The following ECHDC1 variants were observed in gnomAD, a reference collection of about 807,000 sequenced individuals.
ECHDC1 encodes ethylmalonyl-CoA decarboxylase 1, also known as ethylmalonyl-CoA decarboxylase.
Under a neutral mutation model 29.7 loss-of-function variants are expected in ECHDC1, and 29 were observed. The observed-to-expected ratio is 0.98, with a 90% CI of 0.73 to 1.33. ECHDC1 has a LOEUF of 1.33. ECHDC1 is among the 40% of genes most tolerant of loss of function. The pLI is 0.00. For missense variants in ECHDC1, 328 were observed against 350.0 expected (o/e 0.94, Z 0.50); for synonymous variants, 126 against 123.1 (o/e 1.02, Z -0.15).
At chr6:127,327,794 C>T (rs1016892408) in intron 2 of ECHDC1, among the ~76,000 whole-genome samples, 1 of 152,174 alleles carries the variant, frequency 6.6e-6, no homozygotes, top group Non-Finnish European at 1.5e-5. Context: ...GATATTACTC[C>T]AAAATTCTAT....
intron 1 of ECHDC1, among the ~76,000 whole-genome samples, chr6:127,335,600 G>A (rs374743560): frequency 2.0e-5 from 3 of 151,854 alleles, no homozygotes; most frequent in East Asian, 3.9e-4. Context: ...ATCTGTTATC[G>A]TCTTTCTTTG....
chr6:127,316,412 C>T, intron 4 of ECHDC1, 38 bp downstream of exon 4: 6 of 1,554,566 alleles, frequency 3.9e-6, no homozygotes, highest in Non-Finnish European at 5.2e-6. Flanking sequence ...TATTTTTGGT[C>T]TTTTAGAAAT....
Position 127,329,063 on chromosome 6 carries a change from TA to T in ECHDC1, c.220+1745del, listed in dbSNP as rs1185318316. 3.3e-5 allele frequency among the ~76,000 whole-genome samples: 5 copies of T among 151,226 alleles called. No homozygotes were observed. The East Asian group carries it at 9.7e-4, about 29-fold the overall frequency. On this transcript the variant is annotated intron_variant, in intron 2 of 5. Coordinates refer to ENST00000454859, the MANE Select transcript of ECHDC1 (RefSeq NM_001002030.2). ...AATAAATAAAATAAAAATAAATAAA[TA>T]AAAAAAACAATGTTGGCCTTTGTTT...
At chr6:127,304,485 C>G (rs1781295245) in intron 5 of ECHDC1, among the ~76,000 whole-genome samples, 1 of 152,134 alleles carries the variant, frequency 6.6e-6, no homozygotes, top group Non-Finnish European at 1.5e-5. Context: ...CTTCAATGCC[C>G]AGATACCAAA....
At position 127,333,788 on chromosome 6, in the gene ECHDC1, T is replaced by C. The variant is rs118149332; in HGVS notation, c.-2-2758A>G. ...AGAATATACTGTCAGTTTTTTAAAATAGCTGTACAAATGTATATTCCCACA... is the reference window on the plus strand; with the variant it reads ...AGAATATACTGTCAGTTTTTTAAAACAGCTGTACAAATGTATATTCCCACA... On this transcript the variant is annotated intron_variant, in intron 1 of 5. Coordinates refer to ENST00000454859, the MANE Select transcript of ECHDC1 (RefSeq NM_001002030.2). Among the ~76,000 whole-genome samples the C allele has an allele frequency of 5.1e-4, 78 of 152,180 alleles. No individual in the cohort carries two copies. The East Asian group carries it at 0.013, about 25-fold the overall frequency.
intron 3 of ECHDC1, chr6:127,326,464 A>G (rs749335085): frequency 2.3e-6 from 1 of 431,288 alleles, no homozygotes. Flanking sequence ...AGACTATCAC[A>G]TCGGTTCATT....
intron 5 of ECHDC1, among the ~76,000 whole-genome samples, chr6:127,296,862 A>G (rs1047695578): frequency 2.0e-5 from 3 of 151,932 alleles, no homozygotes; most frequent in Admixed American, 2.0e-4. Context: ...CAAATTAGCC[A>G]AGTGTGGTGG....
intron 1 of ECHDC1, among the ~76,000 whole-genome samples, chr6:127,342,068 T>C (rs1054877349): frequency 2.6e-5 from 4 of 152,266 alleles, no homozygotes; most frequent in African/African-American, 9.6e-5. Flanking sequence ...ATATGCGATC[T>C]ACCTGTTACA....
At chr6:127,314,976 A>G in intron 4 of ECHDC1, 80 bp from the exon 5 acceptor site, 1 of 1,362,892 alleles carries the variant, frequency 7.3e-7, no homozygotes, top group Non-Finnish European at 1.0e-6. Flanking sequence ...AAAAAATCTT[A>G]AAATGCAGTG....
intron 5 of ECHDC1, among the ~76,000 whole-genome samples, chr6:127,295,919 CACAGAAG>C (rs1253092743): frequency 6.6e-6 from 1 of 152,146 alleles, no homozygotes; most frequent in Admixed American, 6.5e-5. Context: ...ATCACTGGAA[CACAGAAG>C]GCAGAAGGCT....
chr6:127,312,610 G>A (rs114222991), intron 5 of ECHDC1, among the ~76,000 whole-genome samples: 2,434 of 152,140 alleles, frequency 0.016, 43 homozygotes, highest in Middle Eastern at 0.054. Flanking sequence ...GACAACATAT[G>A]CCCACACAAA....
intron 1 of ECHDC1, chr6:127,342,303 T>C: frequency 6.6e-7 from 1 of 1,517,938 alleles, no homozygotes; most frequent in Non-Finnish European, 8.9e-7. Flanking sequence ...GGCTTAAGAA[T>C]CTGGCCACAA....
intron 5 of ECHDC1, among the ~76,000 whole-genome samples, chr6:127,312,066 A>T (rs1781989213): frequency 6.6e-6 from 1 of 152,122 alleles, no homozygotes; most frequent in South Asian, 2.1e-4. Context: ...GATAAAAAAA[A>T]AACTCACAGG....
chr6:127,305,376 G>T (rs923713680), intron 5 of ECHDC1, among the ~76,000 whole-genome samples: 3 of 152,126 alleles, frequency 2.0e-5, no homozygotes, highest in Non-Finnish European at 4.4e-5. Flanking sequence ...ACAAACAAAA[G>T]CTGAGGGATT....
intron 3 of ECHDC1, chr6:127,326,535 G>A (rs746826159): frequency 6.6e-6 from 3 of 455,324 alleles, no homozygotes; most frequent in South Asian, 4.9e-5. Flanking sequence ...GAAACTGGAT[G>A]CAGGGTGTAC....
Position 127,330,820 on chromosome 6 carries a change from T to G in ECHDC1, c.209A>C (p.Asn70Thr). 1 of 1,613,456 alleles carries G rather than the reference T, an allele frequency of 6.2e-7. No homozygotes were observed. The part of the protein sequence containing the change: ...ILTLNNPSRM[N>T]AFSGVMMLQL... ...AAGATCCCTAATACCTGAAAAGGCA[T>G]TCATTCTACTTGGATTGTTCAGAGT... is the stretch of plus-strand genomic sequence containing the variant. Residue 70 changes from asparagine to threonine, a missense_variant, in exon 2 of 6, where the codon AAT becomes ACT. Transcript: ENST00000454859.
intron 5 of ECHDC1, 70 bp downstream of exon 5, chr6:127,314,746 A>T: frequency 2.4e-6 from 3 of 1,240,492 alleles, no homozygotes; most frequent in Non-Finnish European, 3.4e-6. Flanking sequence ...AAATATTGAT[A>T]TTAAGGCAAA....
At chr6:127,298,875 C>CTA (rs1780825771) in intron 5 of ECHDC1, among the ~76,000 whole-genome samples, 1 of 151,420 alleles carries the variant, frequency 6.6e-6, no homozygotes, top group African/African-American at 2.4e-5. Context: ...ATTTACTGTA[C>CTA]TATATTTTTT....
At chr6:127,334,479 T>C (rs1032369903) in intron 1 of ECHDC1, among the ~76,000 whole-genome samples, 1 of 152,158 alleles carries the variant, frequency 6.6e-6, no homozygotes, top group Non-Finnish European at 1.5e-5. Context: ...GTTAGTAGCA[T>C]ACTGTTCTTT....
Sources: gnomAD v4.1 joint callset for allele counts (sites outside exome capture counted in the v4.1 genomes callset) on GRCh38, gnomAD v4.1.1 for gene constraint, MANE v1.5 for transcripts, NCBI Gene and HGNC (gene_info 2026-07-23, HGNC 2026-07-21) for gene names.